Variants in MYO1E observed in about 807,000 individuals in gnomAD.
MYO1E encodes unconventional myosin-Ie.
In MYO1E, 68 loss-of-function variants were observed where a neutral mutation model predicts 151.1. The ratio of observed to expected loss-of-function variants is 0.45; its 90% CI spans 0.37 to 0.55. The LOEUF (loss-of-function observed/expected upper bound fraction) is 0.55, where lower values mean the gene tolerates loss of function less well. Ranked by LOEUF, MYO1E falls within the 20% of genes least tolerant of loss-of-function variation. The pLI is 0.00. For synonymous variants in MYO1E, 601 were observed against 501.7 expected (o/e 1.20, Z -2.64); for missense variants, 1,363 against 1,389.3 (o/e 0.98, Z 0.30).
At chr15:59,190,683 T>C (rs1236451632) in intron 17 of MYO1E, among the ~76,000 whole-genome samples, 1 of 152,222 alleles carries the variant, frequency 6.6e-6, no homozygotes, top group Non-Finnish European at 1.5e-5. Context: ...TTTCCTCTTC[T>C]GTAAAAACAG....
chr15:59,202,505 C>T lies in MYO1E; in HGVS notation c.1617-98G>A. 5 of 1,095,434 alleles carry T rather than the reference C, an allele frequency of 4.6e-6. No homozygotes were observed. The East Asian group carries it at 1.2e-4, about 26-fold the overall frequency. 67.9% of individuals were successfully genotyped at this position (1,095,434 alleles called of 1,614,324 possible). A position where few individuals can be genotyped will look rare whatever the true frequency, so the allele number is the denominator to read the frequency against. On this transcript the variant is annotated intron_variant, in intron 15 of 27. Coordinates refer to ENST00000288235, the MANE Select transcript of MYO1E (RefSeq NM_004998.4). ...GATGGGGTGAAGGGCCGTCCCCAGGCACATAACCTTGGCTACAGAAAAGCC... is the reference window on the plus strand; with the variant it reads ...GATGGGGTGAAGGGCCGTCCCCAGGTACATAACCTTGGCTACAGAAAAGCC...
intron 1 of MYO1E, among the ~76,000 whole-genome samples, chr15:59,298,954 T>C (rs2080467065): frequency 6.6e-6 from 1 of 152,198 alleles, no homozygotes; most frequent in Non-Finnish European, 1.5e-5. Context: ...CAGATGACTT[T>C]GTTATACAAG....
At chr15:59,354,829 T>C (rs1321905437) in intron 1 of MYO1E, among the ~76,000 whole-genome samples, 3 of 151,990 alleles carry the variant, frequency 2.0e-5, no homozygotes, top group East Asian at 1.9e-4. Context: ...GAGAAACAGG[T>C]AGAAACCTTC....
intron 4 of MYO1E, among the ~76,000 whole-genome samples, chr15:59,250,001 G>A (rs1440352497): frequency 6.6e-6 from 1 of 152,002 alleles, no homozygotes; most frequent in African/African-American, 2.4e-5. Flanking sequence ...GGTGTGAGGC[G>A]TGCTGCCCAG....
Position 59,231,626 on chromosome 15 carries a change from T to C in MYO1E, c.510+76A>G, listed in dbSNP as rs2080028554. ...ATATGTGAAAGGCTCCCATTTCCTG[T>C]GGGATACTAGACTTCAGTCAGAAGC... On this transcript the variant is annotated intron_variant, in intron 6 of 27. Coordinates refer to ENST00000288235, the MANE Select transcript of MYO1E (RefSeq NM_004998.4). 2.1e-6 allele frequency: 3 copies of C among 1,462,310 alleles called. No homozygotes were observed. The South Asian group carries it at 3.4e-5, about 17-fold the overall frequency. The allele number at this position is 1,462,310 out of a possible 1,614,324, so 90.6% of individuals were successfully genotyped here.
chr15:59,227,547 T>C lies in MYO1E; in HGVS notation c.554A>G (p.Asp185Gly), dbSNP rs141565214. ...AAGGAAGTTGGAGATCTTTCCACCA[T>C]CTGGTTCCCCACCTGGACTGAACTG... ...EIQFSPGGEP[D>G]GGKISNFLLE... The change falls in exon 7 of 28, where the codon GAT (aspartate) becomes GGT (glycine). Residue 185 changes from aspartate to glycine, a missense_variant. Transcript: ENST00000288235. The C allele has an allele frequency of 1.6e-3, 2,659 of 1,614,208 alleles. 14 individuals carry two copies. Among genetic ancestry groups the C allele is most frequent in the South Asian group, 7.9e-3 (716 of 91,086 alleles).
chr15:59,152,005 T>C (rs374860294), intron 26 of MYO1E, among the ~76,000 whole-genome samples: 1 of 151,088 alleles, frequency 6.6e-6, no homozygotes, highest in Non-Finnish European at 1.5e-5. Context: ...GAGGCAGAGA[T>C]TGCAGTGAGC....
chr15:59,292,828 C>A (rs1848919924), intron 1 of MYO1E, among the ~76,000 whole-genome samples: 1 of 152,218 alleles, frequency 6.6e-6, no homozygotes, highest in Non-Finnish European at 1.5e-5. Flanking sequence ...TTCAGGCATC[C>A]ACATTGCCAA....
rs534603151 is a variant in MYO1E at position 59,259,798 on chromosome 15, T to C, written c.237+1622A>G. Among the ~76,000 whole-genome samples the C allele has an allele frequency of 2.0e-5, 3 of 152,324 alleles. No homozygotes were observed. The South Asian group carries it at 6.2e-4, about 32-fold the overall frequency. Reference sequence around the variant, plus strand: ...ACCTCTCAGCTATCTGTGACAAAACTATAGAGTGGGCATTTCCTTTACCTG... The same window carrying C: ...ACCTCTCAGCTATCTGTGACAAAACCATAGAGTGGGCATTTCCTTTACCTG... On this transcript the variant is annotated intron_variant, in intron 3 of 27. Coordinates refer to ENST00000288235, the MANE Select transcript of MYO1E (RefSeq NM_004998.4).
chr15:59,250,057 C>T (rs1204562686), intron 4 of MYO1E, among the ~76,000 whole-genome samples: 1 of 152,014 alleles, frequency 6.6e-6, no homozygotes, highest in Non-Finnish European at 1.5e-5. Context: ...TTCCAATTTG[C>T]TTTCTCAAAG....
Position 59,217,918 on chromosome 15 carries a change from G to A in MYO1E, c.1080C>T (p.His360=), listed in dbSNP as rs372487333. 27 of 1,614,050 alleles carry A rather than the reference G, an allele frequency of 1.7e-5. No homozygotes were observed. Among genetic ancestry groups the A allele is most frequent in the Admixed American group, 6.7e-5 (4 of 59,990 alleles). The change falls in exon 10 of 28, where the codon CAC becomes CAT. Residue 360 remains histidine (H), a synonymous_variant. Transcript: ENST00000288235. The stretch of plus-strand genomic sequence containing the variant: ...CTACCAAGAAATCAAAGACCCGGGC[G>A]TGCAGGGCCTTGGCGAGCGCATCCC... ...YTRDALAKAL[H]ARVFDFLVDS...
chr15:59,290,092 G>C (rs2080410116), intron 1 of MYO1E, among the ~76,000 whole-genome samples: 1 of 152,224 alleles, frequency 6.6e-6, no homozygotes, highest in Non-Finnish European at 1.5e-5. Context: ...TCTAGAAACA[G>C]GGAGGTACTG....
At chr15:59,347,468 C>A (rs1387789571) in intron 1 of MYO1E, among the ~76,000 whole-genome samples, 1 of 152,150 alleles carries the variant, frequency 6.6e-6, no homozygotes, top group Non-Finnish European at 1.5e-5. Flanking sequence ...TCTTATGGAA[C>A]TTTGACACAT....
chr15:59,156,090 A>G lies in MYO1E; in HGVS notation c.2878+2197T>C, dbSNP rs557611375. 2.7e-4 allele frequency among the ~76,000 whole-genome samples: 41 copies of G among 152,314 alleles called. No homozygotes were observed. In the South Asian group the frequency reaches 6.8e-3, roughly 25 times the overall value. On this transcript the variant is annotated intron_variant, in intron 25 of 27. Coordinates refer to ENST00000288235, the MANE Select transcript of MYO1E (RefSeq NM_004998.4). ...CAGGCTGGAGTGCAGTGGCATGATCATAGCCACCTCAGCCTCCCACTTCAG... is the reference window on the plus strand; with the variant it reads ...CAGGCTGGAGTGCAGTGGCATGATCGTAGCCACCTCAGCCTCCCACTTCAG...
intron 9 of MYO1E, among the ~76,000 whole-genome samples, chr15:59,220,217 G>GGCA (rs2079945746): frequency 6.6e-6 from 1 of 152,208 alleles, no homozygotes; most frequent in Non-Finnish European, 1.5e-5. Context: ...GGGAGGCCCA[G>GGCA]GCAGGCATAT....
At chr15:59,194,497 G>C (rs1490243940) in intron 17 of MYO1E, among the ~76,000 whole-genome samples, 1 of 152,188 alleles carries the variant, frequency 6.6e-6, no homozygotes, top group Non-Finnish European at 1.5e-5. Flanking sequence ...TCGGCAGCTA[G>C]GAATTTTAGT....
At chr15:59,352,277 A>G (rs1301006583) in intron 1 of MYO1E, among the ~76,000 whole-genome samples, 1 of 152,138 alleles carries the variant, frequency 6.6e-6, no homozygotes, top group East Asian at 1.9e-4. Flanking sequence ...AGCTTGGGAT[A>G]TTTGGCACGT....
chr15:59,232,927 C>T (rs1166308490), intron 5 of MYO1E, among the ~76,000 whole-genome samples: 5 of 151,910 alleles, frequency 3.3e-5, no homozygotes, highest in East Asian at 1.9e-4. Flanking sequence ...TTCATTGTGA[C>T]GAGGGAATCA....
chr15:59,347,286 A>C (rs2080799842), intron 1 of MYO1E, among the ~76,000 whole-genome samples: 1 of 152,192 alleles, frequency 6.6e-6, no homozygotes, highest in Non-Finnish European at 1.5e-5. Flanking sequence ...TCTAATGAGA[A>C]TCTAATACCG....
Sources: allele counts gnomAD v4.1 joint callset (sites outside exome capture counted in the v4.1 genomes callset), GRCh38; gene constraint gnomAD v4.1.1; transcripts MANE v1.5; gene names NCBI Gene and HGNC (gene_info 2026-07-23, HGNC 2026-07-21).